AKR1B10: variants seen among roughly 807,000 people sequenced by gnomAD.
The protein encoded by AKR1B10 is aldo-keto reductase family 1 member B10.
In AKR1B10, 39 loss-of-function variants were observed where a neutral mutation model predicts 38.9. That is an observed-to-expected ratio of 1.00 (90% confidence interval 0.78 to 1.31). The LOEUF (loss-of-function observed/expected upper bound fraction) is 1.31, where lower values mean the gene tolerates loss of function less well. Among genes scored for constraint, AKR1B10 ranks in the 50% most tolerant of loss-of-function variants. AKR1B10 has a pLI of 0.00. For missense variants in AKR1B10, 361 were observed against 382.6 expected (o/e 0.94, Z 0.47); for synonymous variants, 148 against 141.2 (o/e 1.05, Z -0.34).
Position 134,537,595 on chromosome 7 carries a change from C to A in AKR1B10, c.675C>A (p.Asp225Glu). ...SPDRPWAKPEDPSLLEDPKIK... is the reference protein window; with the variant it reads ...SPDRPWAKPEEPSLLEDPKIK... The stretch of plus-strand genomic sequence containing the variant: ...CTGCCCCTAGGGCCAAGCCAGAAGA[C>A]CCTTCCCTGCTGGAGGATCCCAAGA... The change falls in exon 7 of 10, where the codon GAC (aspartate) becomes GAA (glutamate). Residue 225 changes from aspartate (D) to glutamate (E), a missense_variant. By Grantham distance (45) the Asp-to-Glu change is conservative (BLOSUM62 2). Around this residue, in one of 3 missense-constraint regions of AKR1B10, gnomAD observed 132 missense variants for 134.6 expected, o/e 0.98. Coordinates refer to ENST00000359579, the MANE Select transcript of AKR1B10 (RefSeq NM_020299.5). 6.2e-7 allele frequency: 1 copy of A among 1,613,982 alleles called. No individual in the cohort carries two copies. The highest frequency in any genetic ancestry group is 8.5e-7 in the Non-Finnish European group (1 of 1,179,902).
chr7:134,540,539 T>C (rs1808124604), intron 9 of AKR1B10, among the ~76,000 whole-genome samples: 2 of 152,224 alleles, frequency 1.3e-5, no homozygotes, highest in Admixed American at 6.5e-5. Flanking sequence ...TTATTAGCTG[T>C]GTGACATTGG....
At chr7:134,536,886 C>A in intron 5 of AKR1B10, 114 bp downstream of exon 5, 1 of 1,577,118 alleles carries the variant, frequency 6.3e-7, no homozygotes, top group Non-Finnish European at 8.6e-7. Flanking sequence ...GTGATCAGGA[C>A]ACTTTGGGGA....
chr7:134,531,028 T>C (rs1807842421), intron 2 of AKR1B10, among the ~76,000 whole-genome samples: 1 of 152,222 alleles, frequency 6.6e-6, no homozygotes, highest in Admixed American at 6.5e-5. Flanking sequence ...GGTTTTCCCA[T>C]AGTGGGCTTG....
At chr7:134,533,876 C>T (rs1807930955) in intron 4 of AKR1B10, among the ~76,000 whole-genome samples, 1 of 152,124 alleles carries the variant, frequency 6.6e-6, no homozygotes, top group Non-Finnish European at 1.5e-5. Context: ...TTTGCAAATG[C>T]TAGTAGAGAA....
At chr7:134,539,393 G>A (rs1585758490) in intron 9 of AKR1B10, among the ~76,000 whole-genome samples, 1 of 152,248 alleles carries the variant, frequency 6.6e-6, no homozygotes, top group African/African-American at 2.4e-5. Flanking sequence ...TAGGGAGGGA[G>A]GGAAGAAGAG....
Position 134,541,052 on chromosome 7 carries a change from C to G in AKR1B10, c.914C>G (p.Ser305Cys), listed in dbSNP as rs781593224. 2 of 1,575,850 alleles carry G rather than the reference C, an allele frequency of 1.3e-6. No homozygotes were observed. The highest frequency in any genetic ancestry group is 1.7e-6 in the Non-Finnish European group (2 of 1,146,824). ...NWRACNVLQS[S>C]HLEDYPFNAE... The stretch of plus-strand genomic sequence containing the variant: ...TTTTTTGTTCTTTCCTGCAGATCCT[C>G]TCATTTGGAAGACTATCCCTTCAAT... Residue 305 changes from serine (S) to cysteine (C), a missense_variant, in exon 10 of 10, where the codon TCT becomes TGT. Ser to Cys is a moderately radical substitution (Grantham distance 112). This residue lies in a region of AKR1B10 where 132 missense variants were observed against 134.6 expected (regional missense o/e 0.98). Transcript: ENST00000359579.
Position 134,536,160 on chromosome 7 carries a change from G to A in AKR1B10, c.430-490G>A, listed in dbSNP as rs528480288. ...GGAGAGAGGGACTCAGGACCCACAAGTGAGGCTTCTCCGTATGCTGCAGCC... is the reference window on the plus strand; with the variant it reads ...GGAGAGAGGGACTCAGGACCCACAAATGAGGCTTCTCCGTATGCTGCAGCC... On this transcript the variant is annotated intron_variant, in intron 4 of 9. Coordinates refer to ENST00000359579, the MANE Select transcript of AKR1B10 (RefSeq NM_020299.5). Among the ~76,000 whole-genome samples the A allele has an allele frequency of 7.9e-5, 12 of 152,324 alleles. No individual in the cohort carries two copies. The South Asian group carries it at 2.3e-3, about 29-fold the overall frequency.
In AKR1B10 at chr7:134,538,988, C is replaced by A; in HGVS notation, c.879C>A (p.Asn293Lys). 3 of 1,614,080 alleles carry A rather than the reference C, an allele frequency of 1.9e-6. No individual in the cohort carries two copies. Among genetic ancestry groups the A allele is most frequent in the Non-Finnish European group, 2.5e-6 (3 of 1,179,992 alleles). The change falls in exon 9 of 10, where the codon AAC becomes AAA. Residue 293 changes from asparagine (N) to lysine (K), a missense_variant. By Grantham distance (94) the Asn-to-Lys change is moderately conservative. Around this residue, in one of 3 missense-constraint regions of AKR1B10, gnomAD observed 132 missense variants for 134.6 expected, o/e 0.98. Coordinates refer to ENST00000359579, the MANE Select transcript of AKR1B10 (RefSeq NM_020299.5). ...DEEMATILSFNRNWRACNVLQ... is the reference protein window; with the variant it reads ...DEEMATILSFKRNWRACNVLQ... ...AGATGGCAACCATACTCAGCTTCAA[C>A]AGAAACTGGAGGGCCTGTAACGTGT...
At chr7:134,538,401 C>G in intron 8 of AKR1B10, 124 bp downstream of exon 8, 1 of 966,642 alleles carries the variant, frequency 1.0e-6, no homozygotes. Context: ...ACCACCCTAT[C>G]ATTTTCCAGC....
chr7:134,528,095 A>G, intron 1 of AKR1B10, 118 bp downstream of exon 1: 1 of 1,312,056 alleles, frequency 7.6e-7, no homozygotes, highest in South Asian at 1.3e-5. Context: ...GGTAAGATTC[A>G]GCCCTGGAGC....
chr7:134,532,958 G>A lies in AKR1B10; in HGVS notation c.352-46G>A, dbSNP rs1324795836. On this transcript the variant is annotated intron_variant, in intron 3 of 9. Transcript: ENST00000359579. ...CTGAAACCTTGTTGAACAGAACCAA[G>A]TGTCCTGATGCAGATTCCAGTAAAC... 9 of 1,533,968 alleles carry A rather than the reference G, an allele frequency of 5.9e-6. No individual in the cohort carries two copies. In the South Asian group the frequency reaches 9.4e-5, roughly 16 times the overall value.
intron 9 of AKR1B10, among the ~76,000 whole-genome samples, chr7:134,539,928 C>T (rs1808103877): frequency 6.6e-6 from 1 of 152,198 alleles, no homozygotes; most frequent in Non-Finnish European, 1.5e-5. Flanking sequence ...CGATTTTTCA[C>T]CTTTTAAAAA....
chr7:134,540,062 C>G (rs191280538), intron 9 of AKR1B10, among the ~76,000 whole-genome samples: 1 of 152,044 alleles, frequency 6.6e-6, no homozygotes, highest in African/African-American at 2.4e-5. Flanking sequence ...CCCGTCTCTA[C>G]CAAAAATTAG....
chr7:134,536,809 C>A (rs371810175), intron 5 of AKR1B10, 37 bp downstream of exon 5: 18 of 1,611,716 alleles, frequency 1.1e-5, no homozygotes, highest in Admixed American at 3.3e-5. Flanking sequence ...GGGTCCTGCC[C>A]TATTACTTCT....
At chr7:134,539,973 A>G (rs1052727136) in intron 9 of AKR1B10, among the ~76,000 whole-genome samples, 29 of 152,044 alleles carry the variant, frequency 1.9e-4, no homozygotes, top group Non-Finnish European at 3.7e-4. Context: ...CACGGCTGTG[A>G]TCCCAGCACT....
intron 6 of AKR1B10, 122 bp from the exon 7 acceptor site, chr7:134,537,458 C>T (rs1324716934): frequency 6.4e-6 from 8 of 1,252,684 alleles, no homozygotes; most frequent in Non-Finnish European, 7.9e-6. Context: ...CTTCCAGGTC[C>T]TCCTGCCTGT....
intron 9 of AKR1B10, among the ~76,000 whole-genome samples, chr7:134,539,254 G>A (rs1445592708): frequency 6.6e-6 from 1 of 152,168 alleles, no homozygotes; most frequent in African/African-American, 2.4e-5. Flanking sequence ...AAGGTGGGTT[G>A]TCAATAGGCG....
chr7:134,533,080 A>G lies in AKR1B10; in HGVS notation c.428A>G (p.Glu143Gly). ...AAAGCAACGTTCTTGGATGCCTGGG[A>G]GGTAGGTTCCCAGCTTCCTCTAAGT... is the stretch of plus-strand genomic sequence containing the variant. ...GGKATFLDAWEAMEELVDEGL... is the reference protein window; with the variant it reads ...GGKATFLDAWGAMEELVDEGL... Residue 143 changes from glutamate (E) to glycine (G), a missense_variant and splice_region_variant, in exon 4 of 10, where the codon GAG becomes GGG. Around this residue, in one of 3 missense-constraint regions of AKR1B10, gnomAD observed 220 missense variants for 216.1 expected, o/e 1.02. Transcript: ENST00000359579. 1 of 1,592,996 alleles carries G rather than the reference A, an allele frequency of 6.3e-7. No individual in the cohort carries two copies. The highest frequency in any genetic ancestry group is 8.5e-7 in the Non-Finnish European group (1 of 1,172,816).
intron 9 of AKR1B10, 67 bp from the exon 10 acceptor site, chr7:134,540,980 C>T: frequency 8.5e-7 from 1 of 1,177,654 alleles, no homozygotes; most frequent in Middle Eastern, 1.9e-4. Flanking sequence ...AGAATACCTT[C>T]TCAACCAGAG....
Sources: allele counts gnomAD v4.1 joint callset (sites outside exome capture counted in the v4.1 genomes callset), GRCh38; gene constraint gnomAD v4.1.1; regional missense constraint gnomAD v4.1.1; transcripts MANE v1.5; gene names NCBI Gene and HGNC (gene_info 2026-07-23, HGNC 2026-07-21).